Variants in KDR observed in about 807,000 individuals in gnomAD.
KDR encodes the protein kinase insert domain receptor.
Under a neutral mutation model 160.9 loss-of-function variants are expected in KDR, and 43 were observed. The observed-to-expected ratio is 0.27, with a 90% CI of 0.21 to 0.34. The LOEUF is 0.34. Ranked by LOEUF, KDR falls within the 10% of genes least tolerant of loss-of-function variation. The pLI is 1.00. For missense variants in KDR, 1,469 were observed against 1,666.4 expected, an observed-to-expected ratio of 0.88 and a Z score of 2.06; for synonymous variants, 617 against 600.1, an observed-to-expected ratio of 1.03 and a Z score of -0.41.
Position 55,087,668 on chromosome 4 carries a change from A to T in KDR, c.3601T>A (p.Cys1201Ser). The T allele has an allele frequency of 6.2e-7, 1 of 1,614,118 alleles. No individual in the cohort carries two copies. The highest frequency in any genetic ancestry group is 8.5e-7 in the Non-Finnish European group (1 of 1,179,954). Residue 1201 changes from cysteine (C) to serine (S), a missense_variant, in exon 27 of 30, where the codon TGT (cysteine) becomes AGT (serine). Transcript: ENST00000263923. ...TCACATACTTCCTCCTCCTCCATAC[A>T]GGAAACAGGTGAGGTAGGCAGAGAG... ...GLSLPTSPVS[C>S]MEEEEVCDPK...
chr4:55,086,193 A>G (rs1719858603), intron 27 of KDR, among the ~76,000 whole-genome samples: 1 of 152,198 alleles, frequency 6.6e-6, no homozygotes, highest in South Asian at 2.1e-4. Flanking sequence ...GGTCAGAGGA[A>G]CTGGATTCAT....
chr4:55,120,193 T>A (rs1720833770), intron 2 of KDR, among the ~76,000 whole-genome samples: 2 of 152,224 alleles, frequency 1.3e-5, no homozygotes, highest in South Asian at 4.1e-4. Flanking sequence ...TGTATGTCAT[T>A]CGGTTTAATG....
chr4:55,097,615 G>T, intron 18 of KDR, 47 bp downstream of exon 18: 1 of 1,200,954 alleles, frequency 8.3e-7, no homozygotes, highest in Non-Finnish European at 1.2e-6. Context: ...CATATTTAAA[G>T]ACTAGATAAA....
At chr4:55,110,984 C>A (rs943990258) in intron 7 of KDR, among the ~76,000 whole-genome samples, 12 of 152,190 alleles carry the variant, frequency 7.9e-5, no homozygotes, top group African/African-American at 2.6e-4. Context: ...TTTCTCTCCC[C>A]GCTAGTGCAC....
chr4:55,080,287 TC>T (rs34163486), intron 29 of KDR, 124 bp from the exon 30 acceptor site: 1 of 799,998 alleles, frequency 1.3e-6, no homozygotes, highest in African/African-American at 1.7e-5. Context: ...CCCGTATCTC[TC>T]CCAGTTGTTA....
At chr4:55,098,389 T>C (rs1341420603) in intron 16 of KDR, 117 bp from the exon 17 acceptor site, 11 of 1,262,826 alleles carry the variant, frequency 8.7e-6, no homozygotes, top group African/African-American at 4.4e-5. Context: ...ATAAAACTCA[T>C]GGAGTTTGAG....
intron 15 of KDR, among the ~76,000 whole-genome samples, 159 bp from the exon 16 acceptor site, chr4:55,098,962 A>G (rs557067270): frequency 5.3e-5 from 8 of 151,770 alleles, no homozygotes; most frequent in Non-Finnish European, 1.0e-4. Context: ...TGGAGTCTAC[A>G]GAATTCTTTT....
chr4:55,109,716 T>C (rs1286270913), intron 9 of KDR, among the ~76,000 whole-genome samples: 1 of 151,924 alleles, frequency 6.6e-6, no homozygotes. Context: ...AAGAAACCTG[T>C]TACACATCTA....
intron 27 of KDR, among the ~76,000 whole-genome samples, chr4:55,085,039 T>C (rs1217430008): frequency 6.6e-6 from 1 of 152,228 alleles, no homozygotes; most frequent in African/African-American, 2.4e-5. Context: ...AAATGGTATG[T>C]ACCAAAACCT....
chr4:55,086,206 C>G (rs1719858744), intron 27 of KDR, among the ~76,000 whole-genome samples: 1 of 152,162 alleles, frequency 6.6e-6, no homozygotes, highest in South Asian at 2.1e-4. Context: ...GGATTCATCT[C>G]AAGGATGTGA....
chr4:55,104,835 G>A lies in KDR; in HGVS notation c.1795C>T (p.Pro599Ser), dbSNP rs771521731. Residue 599 changes from proline (P) to serine (S), a missense_variant, in exon 13 of 30, where the codon CCC becomes TCC. Around this residue, in one of 7 missense-constraint regions of KDR, gnomAD observed 792 missense variants for 840.9 expected, o/e 0.94. Transcript: ENST00000263923. The part of the protein sequence containing the change: ...QPLPIHVGEL[P>S]TPVCKNLDTL... ...TCCAAGTTCTTGCAAACAGGTGTGG[G>A]CAACTCTCCCACATGGATTGGCAGA... The A allele has an allele frequency of 6.2e-7, 1 of 1,613,940 alleles. No homozygotes were observed. Among genetic ancestry groups the A allele is most frequent in the Non-Finnish European group, 8.5e-7 (1 of 1,179,888 alleles).
chr4:55,099,643 G>A (rs908467987), intron 15 of KDR, among the ~76,000 whole-genome samples: 6 of 152,300 alleles, frequency 3.9e-5, no homozygotes, highest in African/African-American at 1.4e-4. Flanking sequence ...AGTTACTAAT[G>A]ACCATGTATC....
chr4:55,113,182 C>T (rs1720639488), intron 7 of KDR, 122 bp downstream of exon 7: 2 of 1,120,102 alleles, frequency 1.8e-6, no homozygotes, highest in Non-Finnish European at 1.3e-6. Context: ...TGTGGCCTCC[C>T]TAACAAGAAA....
At chr4:55,087,028 T>C (rs1719882231) in intron 27 of KDR, among the ~76,000 whole-genome samples, 1 of 152,188 alleles carries the variant, frequency 6.6e-6, no homozygotes, top group African/African-American at 2.4e-5. Flanking sequence ...TTAGAACCCC[T>C]CTGCAAATCA....
intron 15 of KDR, among the ~76,000 whole-genome samples, chr4:55,099,422 T>G (rs185978774): frequency 1.1e-4 from 16 of 152,290 alleles, no homozygotes; most frequent in African/African-American, 3.6e-4. Context: ...AGTAATGTCT[T>G]AAAAGCCAAA....
rs1335407159 is a variant in KDR at position 55,121,103 on chromosome 4, G to A, written c.155C>T (p.Thr52Ile). The A allele has an allele frequency of 6.2e-7, 1 of 1,604,598 alleles. No individual in the cohort carries two copies. Among genetic ancestry groups the A allele is most frequent in the South Asian group, 1.1e-5 (1 of 90,836 alleles). The change falls in exon 2 of 30, where the codon ACT becomes ATT. Residue 52 changes from threonine (T) to isoleucine (I), a missense_variant. This residue lies in a region of KDR where 792 missense variants were observed against 840.9 expected (regional missense o/e 0.94). Transcript: ENST00000263923. ...ATCTAGAATGAATCCTTACCTGCAA[G>A]TAATTTGAAGAGTTGTATTAGCCTT... ...TIKANTTLQI[T>I]CRGQRDLDWL...
chr4:55,113,261 T>G (rs1720641349), intron 7 of KDR, 43 bp downstream of exon 7: 1 of 1,581,810 alleles, frequency 6.3e-7, no homozygotes, highest in Non-Finnish European at 8.7e-7. Context: ...TTAAATTATC[T>G]CACTTGTCAA....
intron 29 of KDR, among the ~76,000 whole-genome samples, chr4:55,080,942 C>T (rs1410630837): frequency 6.6e-6 from 1 of 152,134 alleles, no homozygotes; most frequent in Non-Finnish European, 1.5e-5. Context: ...TTTAGTAACT[C>T]GTGTTTATAC....
rs199774865 is a variant in KDR at position 55,102,493 on chromosome 4, G to A, written c.2003C>T (p.Thr668Met). Residue 668 changes from threonine to methionine, a missense_variant, in exon 14 of 30, where the codon ACG (threonine) becomes ATG (methionine). Coordinates refer to ENST00000263923, the MANE Select transcript of KDR (RefSeq NM_002253.4). Reference protein sequence around the residue: ...QLTVLERVAPTITGNLENQTT... With the variant: ...QLTVLERVAPMITGNLENQTT... ...CTGATTCTCCAGGTTTCCTGTGATC[G>A]TGGGTGCCACACGCTCTAGACACAC... The A allele has an allele frequency of 2.6e-4, 422 of 1,613,686 alleles. 1 individual carries two copies. In the South Asian group the frequency reaches 4.0e-3, roughly 15 times the overall value.
Sources: allele counts gnomAD v4.1 joint callset (sites outside exome capture counted in the v4.1 genomes callset), GRCh38; gene constraint gnomAD v4.1.1; regional missense constraint gnomAD v4.1.1; transcripts MANE v1.5; gene names NCBI Gene and HGNC (gene_info 2026-07-23, HGNC 2026-07-21).